Variants in MBTPS1 observed in about 807,000 individuals in gnomAD.
The protein encoded by MBTPS1 is membrane-bound transcription factor site-1 protease.
In MBTPS1, 94 loss-of-function variants were observed where a neutral mutation model predicts 127.8. The observed-to-expected ratio is 0.74, with a 90% CI of 0.62 to 0.87. The LOEUF (loss-of-function observed/expected upper bound fraction) is 0.87. Among genes scored for constraint, MBTPS1 ranks in the 40% least tolerant of loss-of-function variants. The pLI is 0.00. For synonymous variants in MBTPS1, 632 were observed against 509.4 expected (o/e 1.24, Z -3.24); for missense variants, 1,636 against 1,353.2 (o/e 1.21, Z -3.28).
At chr16:84,111,802 T>C (rs1002973560) in intron 1 of MBTPS1, among the ~76,000 whole-genome samples, 27 of 151,686 alleles carry the variant, frequency 1.8e-4, no homozygotes, top group South Asian at 4.2e-4. Flanking sequence ...TTTGTTACAA[T>C]AGAAATATGG....
In MBTPS1 at chr16:84,070,749, T is replaced by C; in HGVS notation, c.1621A>G (p.Asn541Asp). 1 of 1,612,936 alleles carries C rather than the reference T, an allele frequency of 6.2e-7. No individual in the cohort carries two copies. Among genetic ancestry groups the C allele is most frequent in the Non-Finnish European group, 8.5e-7 (1 of 1,179,432 alleles). The change falls in exon 13 of 23, where the codon AAC becomes GAC. Residue 541 changes from asparagine (N) to aspartate (D), a missense_variant. By Grantham distance (23) the Asn-to-Asp change is conservative. Coordinates refer to ENST00000343411, the MANE Select transcript of MBTPS1 (RefSeq NM_003791.4). ...AAGGCAACTTCAATGTTGTCTCCGT[T>C]CTGTGGCAAATAGGGCTGCCAGTCA... Reference protein sequence around the residue: ...KPDWQPYLPQNGDNIEVAFSY... With the variant: ...KPDWQPYLPQDGDNIEVAFSY...
intron 4 of MBTPS1, among the ~76,000 whole-genome samples, chr16:84,094,596 G>A (rs927215627): frequency 2.6e-5 from 4 of 152,160 alleles, no homozygotes; most frequent in African/African-American, 7.2e-5. Flanking sequence ...CAAAAGGGCT[G>A]TGTACATATC....
At chr16:84,085,808 A>G (rs979939458) in intron 9 of MBTPS1, among the ~76,000 whole-genome samples, 14 of 152,142 alleles carry the variant, frequency 9.2e-5, no homozygotes, top group Admixed American at 3.9e-4. Flanking sequence ...TTATCTCTAG[A>G]TAAGTTAAAA....
At chr16:84,092,528 T>C (rs1161008215) in intron 6 of MBTPS1, among the ~76,000 whole-genome samples, 1 of 152,106 alleles carries the variant, frequency 6.6e-6, no homozygotes, top group Admixed American at 6.5e-5. Flanking sequence ...GAAAGGAACA[T>C]CATCACACAG....
intron 8 of MBTPS1, among the ~76,000 whole-genome samples, chr16:84,088,293 C>T (rs907981387): frequency 6.6e-6 from 1 of 152,036 alleles, no homozygotes; most frequent in African/African-American, 2.4e-5. Flanking sequence ...ATGAAGTTCT[C>T]CTTCTAGAGT....
chr16:84,064,517 C>T (rs774866583), intron 18 of MBTPS1, among the ~76,000 whole-genome samples: 41 of 152,120 alleles, frequency 2.7e-4, no homozygotes, highest in African/African-American at 8.9e-4. Flanking sequence ...TAAAAAATTT[C>T]GTTTTCACAC....
At chr16:84,097,243 T>C (rs2151165942) in intron 3 of MBTPS1, among the ~76,000 whole-genome samples, 1 of 152,354 alleles carries the variant, frequency 6.6e-6, no homozygotes, top group East Asian at 1.9e-4. Context: ...CAAAACCTTC[T>C]ACGAGTAACA....
chr16:84,102,027 G>T lies in MBTPS1; in HGVS notation c.-244C>A. On this transcript the variant is annotated 5_prime_UTR_variant, in exon 2 of 23. Coordinates refer to ENST00000343411, the MANE Select transcript of MBTPS1 (RefSeq NM_003791.4). Reference sequence around the variant, plus strand: ...AAATAAGGCTTCTCTCACTCAGGCCGTGACGACTGAGTCCTGTACTCCATT... The same window carrying T: ...AAATAAGGCTTCTCTCACTCAGGCCTTGACGACTGAGTCCTGTACTCCATT... 5 of 472,904 alleles carry T rather than the reference G, an allele frequency of 1.1e-5. No homozygotes were observed. 29.3% of individuals were successfully genotyped at this position (472,904 alleles called of 1,614,324 possible).
intron 11 of MBTPS1, among the ~76,000 whole-genome samples, chr16:84,076,512 T>C (rs1456100087): frequency 1.3e-5 from 2 of 152,188 alleles, no homozygotes; most frequent in Non-Finnish European, 2.9e-5. Flanking sequence ...TATCTTTATT[T>C]CCATATGGTA....
Position 84,101,743 on chromosome 16 carries a change from A to G in MBTPS1, c.41T>C (p.Leu14Ser). The G allele has an allele frequency of 6.2e-7, 1 of 1,614,158 alleles. No homozygotes were observed. The highest frequency in any genetic ancestry group is 1.1e-5 in the South Asian group (1 of 91,070). The change falls in exon 2 of 23, where the codon TTG becomes TCG. Residue 14 changes from leucine (L) to serine (S), a missense_variant. By Grantham distance (145) the Leu-to-Ser change is moderately radical. Coordinates refer to ENST00000343411, the MANE Select transcript of MBTPS1 (RefSeq NM_003791.4). ...GCCCAGATGTTTCTTCCCACAGAGC[A>G]AAACCACGAGCAGAAGCAGCCAGAT... ...VNIWLLLLVV[L>S]LCGKKHLGDR...
At chr16:84,097,742 A>T (rs201405712) in intron 3 of MBTPS1, among the ~76,000 whole-genome samples, 1 of 152,202 alleles carries the variant, frequency 6.6e-6, no homozygotes, top group African/African-American at 2.4e-5. Context: ...TTTAAGGAGA[A>T]TAATACATAA....
chr16:84,068,874 A>G (rs968145507), intron 14 of MBTPS1, among the ~76,000 whole-genome samples: 2 of 152,210 alleles, frequency 1.3e-5, no homozygotes, highest in Non-Finnish European at 2.9e-5. Context: ...CGGCACAGCT[A>G]ACTGATATCA....
At chr16:84,108,866 G>A (rs2086360765) in intron 1 of MBTPS1, among the ~76,000 whole-genome samples, 1 of 152,206 alleles carries the variant, frequency 6.6e-6, no homozygotes, top group South Asian at 2.1e-4. Flanking sequence ...TACTGTCAGA[G>A]AAGAAAGTTA....
At chr16:84,113,019 A>T (rs575835356) in intron 1 of MBTPS1, among the ~76,000 whole-genome samples, 21 of 151,862 alleles carry the variant, frequency 1.4e-4, no homozygotes, top group African/African-American at 5.1e-4. Context: ...TTCTGGTAAG[A>T]GAGTGGCACA....
chr16:84,075,797 C>T (rs1456165688), intron 11 of MBTPS1: 1 of 152,188 alleles, frequency 6.6e-6, no homozygotes, highest in Non-Finnish European at 1.5e-5. Flanking sequence ...ACACATATCA[C>T]AGTTAAGTTA....
chr16:84,087,489 GAAAAGA>G (rs1418942671), intron 8 of MBTPS1, 29 bp from the exon 9 acceptor site: 1 of 1,147,428 alleles, frequency 8.7e-7, no homozygotes, highest in African/African-American at 1.7e-5. Context: ...AAAAAAAAAA[GAAAAGA>G]AAAAGAAAAA....
chr16:84,067,103 T>A (rs923974961), intron 16 of MBTPS1, among the ~76,000 whole-genome samples: 1 of 152,156 alleles, frequency 6.6e-6, no homozygotes, highest in Admixed American at 6.6e-5. Flanking sequence ...TATTTAAATA[T>A]ACAATAATTT....
chr16:84,074,073 A>G (rs964644165), intron 12 of MBTPS1, among the ~76,000 whole-genome samples: 5 of 152,208 alleles, frequency 3.3e-5, no homozygotes, highest in African/African-American at 1.2e-4. Flanking sequence ...TGTATAGATG[A>G]AAAATCAAAT....
At chr16:84,057,610 CCAG>C (rs1321006052) in intron 21 of MBTPS1, 1 of 152,236 alleles carries the variant, frequency 6.6e-6, no homozygotes. Context: ...AAGCCTGCCC[CCAG>C]CACTGGGCTG....
Sources: allele counts gnomAD v4.1 joint callset (sites outside exome capture counted in the v4.1 genomes callset), GRCh38; gene constraint gnomAD v4.1.1; transcripts MANE v1.5; gene names NCBI Gene and HGNC (gene_info 2026-07-23, HGNC 2026-07-21).